Variants in FSTL5 observed in about 807,000 individuals in gnomAD.
FSTL5 encodes the protein follistatin-related protein 5.
A neutral mutation model predicts 89.1 loss-of-function variants in FSTL5; 62 were observed. The ratio of observed to expected loss-of-function variants is 0.70; its 90% CI spans 0.57 to 0.86. The LOEUF (loss-of-function observed/expected upper bound fraction) is 0.86. Among genes scored for constraint, FSTL5 ranks in the 40% least tolerant of loss-of-function variants. FSTL5 has a pLI of 0.00. For synonymous variants in FSTL5, 383 were observed against 346.2 expected, an observed-to-expected ratio of 1.11 and a Z score of -1.18; for missense variants, 1,057 against 1,001.6, an observed-to-expected ratio of 1.06 and a Z score of -0.75.
intron 6 of FSTL5, among the ~76,000 whole-genome samples, chr4:161,752,026 G>A (rs1740410039): frequency 1.3e-5 from 2 of 152,112 alleles, no homozygotes; most frequent in Admixed American, 6.5e-5. Context: ...TGAATGCAAG[G>A]TTTAGTCTTT....
intron 7 of FSTL5, among the ~76,000 whole-genome samples, chr4:161,641,504 G>GTTTT (rs71598725): frequency 1.5e-5 from 2 of 132,334 alleles, no homozygotes; most frequent in Non-Finnish European, 3.3e-5. Context: ...TTTTTGTTTT[G>GTTTT]TTTTGTTTTT....
At chr4:161,436,764 C>G (rs1441315848) in intron 15 of FSTL5, among the ~76,000 whole-genome samples, 1 of 152,170 alleles carries the variant, frequency 6.6e-6, no homozygotes. Context: ...AACTTTGGAA[C>G]ATCTATATCA....
At chr4:161,467,445 G>T (rs1578855863) in intron 13 of FSTL5, among the ~76,000 whole-genome samples, 1 of 152,030 alleles carries the variant, frequency 6.6e-6, no homozygotes, top group East Asian at 1.9e-4. Context: ...AATTAACTTT[G>T]TACTTTGCAG....
chr4:161,565,342 A>C (rs1372453697), intron 8 of FSTL5, among the ~76,000 whole-genome samples: 1 of 152,082 alleles, frequency 6.6e-6, no homozygotes, highest in African/African-American at 2.4e-5. Context: ...TTTGCTTAGT[A>C]AATGTCAAGT....
At chr4:161,553,358 T>G (rs2126560351) in intron 8 of FSTL5, among the ~76,000 whole-genome samples, 1 of 151,616 alleles carries the variant, frequency 6.6e-6, no homozygotes, top group South Asian at 2.1e-4. Flanking sequence ...AAACTTCTAT[T>G]ACCTAAAATG....
chr4:161,853,852 A>G (rs781488982), intron 4 of FSTL5, among the ~76,000 whole-genome samples: 6 of 152,196 alleles, frequency 3.9e-5, no homozygotes, highest in Non-Finnish European at 8.8e-5. Flanking sequence ...GCATTCTGGA[A>G]TTAGATAAGA....
intron 7 of FSTL5, among the ~76,000 whole-genome samples, chr4:161,621,680 G>A (rs1283533267): frequency 1.3e-5 from 2 of 151,858 alleles, no homozygotes; most frequent in East Asian, 1.9e-4. Context: ...TAAGACAATG[G>A]GAATTACCAA....
chr4:161,386,236 T>G lies in FSTL5; in HGVS notation c.2055A>C (p.Ser685=). Residue 685 remains serine (S), a synonymous_variant, in exon 16 of 16, where the codon TCA becomes TCC. Coordinates refer to ENST00000306100, the MANE Select transcript of FSTL5 (RefSeq NM_020116.5). ...TCACATCACTATTGAACCCAATGAC[T>G]GAGTCAGTTACACCGTCCACCATGA... is the stretch of plus-strand genomic sequence containing the variant. ...PQVMVDGVTD[S]VIGFNSDVTG... is the part of the protein sequence containing the mutation. 6.2e-7 allele frequency: 1 copy of G among 1,614,054 alleles called. No individual in the cohort carries two copies. The highest frequency in any genetic ancestry group is 2.2e-5 in the East Asian group (1 of 44,858).
chr4:161,986,180 CTTGACAA>C lies in FSTL5; in HGVS notation c.160+47438_160+47444del, dbSNP rs1278806114. ...GGTTTTGAGGGTAGGGAAAGGGGCA[CTTGACAA>C]TTGACAATTGTAATTTCAGTACTCA... On this transcript the variant is annotated intron_variant, in intron 3 of 15. Coordinates refer to ENST00000306100, the MANE Select transcript of FSTL5 (RefSeq NM_020116.5). Among the ~76,000 whole-genome samples the C allele has an allele frequency of 4.6e-5, 7 of 152,040 alleles. No individual in the cohort carries two copies. The East Asian group carries it at 1.4e-3, about 29-fold the overall frequency.
intron 10 of FSTL5, among the ~76,000 whole-genome samples, chr4:161,519,138 G>A (rs1337477371): frequency 1.3e-5 from 2 of 152,148 alleles, no homozygotes; most frequent in African/African-American, 4.8e-5. Flanking sequence ...CTTCCACCCT[G>A]CTTTATGTGT....
intron 4 of FSTL5, among the ~76,000 whole-genome samples, chr4:161,798,137 A>G (rs1408121214): frequency 6.6e-6 from 1 of 151,726 alleles, no homozygotes; most frequent in Non-Finnish European, 1.5e-5. Flanking sequence ...TATGGCATAC[A>G]GGTTAAGTAA....
chr4:161,606,436 T>A (rs1051588061), intron 7 of FSTL5, among the ~76,000 whole-genome samples: 8 of 151,744 alleles, frequency 5.3e-5, no homozygotes, highest in African/African-American at 1.7e-4. Flanking sequence ...TGCACCATGT[T>A]GGCCAGGATG....
intron 4 of FSTL5, among the ~76,000 whole-genome samples, chr4:161,894,101 G>T (rs1447080780): frequency 1.3e-5 from 2 of 152,104 alleles, no homozygotes; most frequent in Non-Finnish European, 2.9e-5. Context: ...TAAATGTAAT[G>T]AGTATTATCA....
intron 6 of FSTL5, among the ~76,000 whole-genome samples, chr4:161,710,800 T>A (rs1187078747): frequency 6.6e-6 from 1 of 152,194 alleles, no homozygotes; most frequent in Non-Finnish European, 1.5e-5. Context: ...TTAATTTATA[T>A]GTATATGATA....
chr4:161,618,922 A>C (rs1277403550), intron 7 of FSTL5, among the ~76,000 whole-genome samples: 2 of 152,206 alleles, frequency 1.3e-5, no homozygotes, highest in East Asian at 1.9e-4. Flanking sequence ...AGGCATCATG[A>C]TACCTGACTT....
At chr4:161,386,497 AGCCGT>A in intron 15 of FSTL5, 48 bp from the exon 16 acceptor site, 2 of 1,368,844 alleles carry the variant, frequency 1.5e-6, no homozygotes. Context: ...TGGAGTTTTT[AGCCGT>A]AAGAAAAAAA....
intron 12 of FSTL5, among the ~76,000 whole-genome samples, chr4:161,494,313 AAGGTTACTC>A (rs1359996639): frequency 6.6e-6 from 1 of 152,154 alleles, no homozygotes; most frequent in Non-Finnish European, 1.5e-5. Context: ...TTGTATTCAA[AAGGTTACTC>A]ACTGGCTTCA....
At chr4:162,029,247 T>G (rs1737424578) in intron 3 of FSTL5, among the ~76,000 whole-genome samples, 1 of 152,000 alleles carries the variant, frequency 6.6e-6, no homozygotes, top group African/African-American at 2.4e-5. Context: ...TACACACTTT[T>G]AATTTGATTA....
intron 4 of FSTL5, among the ~76,000 whole-genome samples, chr4:161,783,857 T>A (rs2126812848): frequency 6.7e-6 from 1 of 148,916 alleles, no homozygotes; most frequent in South Asian, 2.1e-4. Flanking sequence ...CCTCTGCCCC[T>A]TGGGTTCAAG....
Sources: gnomAD v4.1 joint callset for allele counts (sites outside exome capture counted in the v4.1 genomes callset) on GRCh38, gnomAD v4.1.1 for gene constraint, MANE v1.5 for transcripts, NCBI Gene and HGNC (gene_info 2026-07-23, HGNC 2026-07-21) for gene names.